TECR: variants seen among roughly 807,000 people sequenced by gnomAD.
The protein encoded by TECR is very-long-chain enoyl-CoA reductase.
TECR carries 19 observed loss-of-function variants against 50.6 expected under a neutral mutation model. The observed-to-expected ratio is 0.38, with a 90% CI of 0.26 to 0.55. TECR has a LOEUF of 0.55. Among genes scored for constraint, TECR ranks in the 20% least tolerant of loss-of-function variants. The pLI is 0.79. For missense variants in TECR, 313 were observed against 408.3 expected (o/e 0.77, Z 2.01); for synonymous variants, 168 against 163.5 (o/e 1.03, Z -0.21).
chr19:14,546,412 C>A (rs1376759005), intron 1 of TECR, among the ~76,000 whole-genome samples: 1 of 152,036 alleles, frequency 6.6e-6, no homozygotes, highest in African/African-American at 2.4e-5. Flanking sequence ...CATGCTGAAA[C>A]CCCTCTTCTA....
At chr19:14,536,006 C>G (rs1172206519) in intron 1 of TECR, among the ~76,000 whole-genome samples, 1 of 152,012 alleles carries the variant, frequency 6.6e-6, no homozygotes, top group African/African-American at 2.4e-5. Context: ...TGTAGGCACT[C>G]AGAATCTCAG....
chr19:14,565,929 G>A lies in TECR; in HGVS notation c.*58G>A. ...CCCGGTGGCATTCTGGGGGAGGAGT[G>A]GGGCCCACAGCTCTCCAGCACCCGG... On this transcript the variant is annotated 3_prime_UTR_variant, in exon 13 of 13. Coordinates refer to ENST00000215567, the MANE Select transcript of TECR (RefSeq NM_138501.6). 1 of 1,542,046 alleles carries A rather than the reference G, an allele frequency of 6.5e-7. No individual in the cohort carries two copies. Among genetic ancestry groups the A allele is most frequent in the South Asian group, 1.2e-5 (1 of 85,024 alleles).
intron 1 of TECR, among the ~76,000 whole-genome samples, chr19:14,537,785 C>G (rs1009104399): frequency 4.4e-5 from 6 of 136,234 alleles, no homozygotes; most frequent in Non-Finnish European, 9.2e-5. Flanking sequence ...TCGCTCTTGT[C>G]CCCTAGGCTG....
rs138448106 is a variant in TECR, at chr19:14,549,600, T to C, written c.16-12925T>C. ...CCCTGGCCTCCCAAAGTGCTGGGAT[T>C]ACAGGCATGAGCCAGCGTACCTGAC... On this transcript the variant is annotated intron_variant, in intron 1 of 12. Coordinates refer to ENST00000215567, the MANE Select transcript of TECR (RefSeq NM_138501.6). Among the ~76,000 whole-genome samples, 357 of 152,102 alleles carry C rather than the reference T, an allele frequency of 2.3e-3. 4 individuals carry two copies. The highest frequency in any genetic ancestry group is 8.3e-3 in the African/African-American group (346 of 41,530).
chr19:14,533,293 G>A (rs760891265), intron 1 of TECR, among the ~76,000 whole-genome samples: 4 of 151,630 alleles, frequency 2.6e-5, no homozygotes, highest in East Asian at 1.9e-4. Flanking sequence ...GGTGGCGCAC[G>A]CCTGAAATCC....
intron 1 of TECR, among the ~76,000 whole-genome samples, chr19:14,542,347 G>GGTT (rs2073124658): frequency 4.6e-5 from 2 of 43,300 alleles, no homozygotes; most frequent in African/African-American, 1.6e-4. Flanking sequence ...ATGCCATAGT[G>GGTT]TTTTTTTTTT....
chr19:14,529,877 T>C, intron 1 of TECR, 166 bp downstream of exon 1: 1 of 896,214 alleles, frequency 1.1e-6, no homozygotes, highest in Admixed American at 2.3e-5. Context: ...TAAATTCCAA[T>C]GCGCATGTGC....
rs779930168 is a variant in TECR, at chr19:14,565,138, G to T, written c.664+15G>T. On this transcript the variant is annotated intron_variant, in intron 10 of 12. Transcript: ENST00000215567. The stretch of plus-strand genomic sequence containing the variant: ...GCGGCCCGCTGGTGAGTGCCTGCTG[G>T]GGGCAGGGGGACAGCTGGGCTGGGT... 1 of 1,613,772 alleles carries T rather than the reference G, an allele frequency of 6.2e-7. No individual in the cohort carries two copies. The highest frequency in any genetic ancestry group is 8.5e-7 in the Non-Finnish European group (1 of 1,180,020).
intron 1 of TECR, among the ~76,000 whole-genome samples, chr19:14,544,827 C>G (rs2073246296): frequency 6.6e-6 from 1 of 151,940 alleles, no homozygotes; most frequent in Non-Finnish European, 1.5e-5. Flanking sequence ...GAGATGGGGT[C>G]TTGCTGTGTT....
chr19:14,540,475 C>T (rs2073060374), intron 1 of TECR, among the ~76,000 whole-genome samples: 1 of 150,878 alleles, frequency 6.6e-6, no homozygotes, highest in South Asian at 2.1e-4. Flanking sequence ...TCTCTGCAAC[C>T]TCTGCGTCTG....
intron 1 of TECR, among the ~76,000 whole-genome samples, chr19:14,560,914 C>G (rs1243449486): frequency 3.3e-5 from 5 of 152,170 alleles, no homozygotes; most frequent in African/African-American, 7.2e-5. Flanking sequence ...GTACCCCATG[C>G]ATTGTCTCAG....
intron 1 of TECR, among the ~76,000 whole-genome samples, chr19:14,551,633 A>G (rs763439562): frequency 6.6e-6 from 1 of 152,050 alleles, no homozygotes; most frequent in African/African-American, 2.4e-5. Flanking sequence ...AGGCATTGCC[A>G]CAGCTGTAAA....
intron 1 of TECR, among the ~76,000 whole-genome samples, chr19:14,542,188 C>T (rs552805463): frequency 5.2e-4 from 79 of 152,070 alleles, no homozygotes; most frequent in African/African-American, 1.9e-3. Context: ...TGGTCTCCAA[C>T]TCTTGGGCTC....
chr19:14,543,964 C>A (rs1212864833), intron 1 of TECR, among the ~76,000 whole-genome samples: 1 of 151,302 alleles, frequency 6.6e-6, no homozygotes, highest in African/African-American at 2.4e-5. Context: ...TCTCGAACTC[C>A]TGACCTCAAA....
At chr19:14,538,366 G>C (rs577688741) in intron 1 of TECR, among the ~76,000 whole-genome samples, 1 of 152,104 alleles carries the variant, frequency 6.6e-6, no homozygotes, top group Non-Finnish European at 1.5e-5. Flanking sequence ...CTGGGGGCCT[G>C]TGGGGGAGTG....
At chr19:14,549,168 C>T (rs1161905944) in intron 1 of TECR, among the ~76,000 whole-genome samples, 2 of 150,696 alleles carry the variant, frequency 1.3e-5, no homozygotes, top group African/African-American at 4.9e-5. Flanking sequence ...TTGTCTAAGC[C>T]ATCATTACCT....
intron 1 of TECR, among the ~76,000 whole-genome samples, chr19:14,541,139 T>G (rs1192295802): frequency 1.3e-5 from 2 of 152,208 alleles, no homozygotes; most frequent in East Asian, 3.9e-4. Flanking sequence ...GCCTGGCTAA[T>G]TTTTAAAGGA....
chr19:14,540,871 C>G (rs1341840191), intron 1 of TECR, among the ~76,000 whole-genome samples: 1 of 151,896 alleles, frequency 6.6e-6, no homozygotes, highest in Non-Finnish European at 1.5e-5. Flanking sequence ...GAGTTTTGCT[C>G]TTGCCCAGGC....
At chr19:14,543,340 A>G (rs1236976840) in intron 1 of TECR, among the ~76,000 whole-genome samples, 1 of 142,396 alleles carries the variant, frequency 7.0e-6, no homozygotes, top group Non-Finnish European at 1.5e-5. Flanking sequence ...CTGAGGAGAC[A>G]TGTATAGTTG....
Sources: allele counts gnomAD v4.1 joint callset (sites outside exome capture counted in the v4.1 genomes callset), GRCh38; gene constraint gnomAD v4.1.1; transcripts MANE v1.5; gene names NCBI Gene and HGNC (gene_info 2026-07-23, HGNC 2026-07-21).